The following PHLDB2 variants were observed in gnomAD, a reference collection of about 807,000 sequenced individuals.
The protein encoded by PHLDB2 is pleckstrin homology like domain family B member 2, also known as pleckstrin homology-like domain family B member 2.
A neutral mutation model predicts 123.6 loss-of-function variants in PHLDB2; 71 were observed. The observed-to-expected ratio is 0.57, with a 90% CI of 0.47 to 0.70. The LOEUF is 0.70. PHLDB2 is among the 30% of genes least tolerant of loss of function. PHLDB2 has a pLI of 0.00. For synonymous variants in PHLDB2, 547 were observed against 541.6 expected (o/e 1.01, Z -0.14); for missense variants, 1,446 against 1,519.5 (o/e 0.95, Z 0.80).
At chr3:111,871,765 A>G (rs920859723) in intron 1 of PHLDB2, among the ~76,000 whole-genome samples, 2 of 152,230 alleles carry the variant, frequency 1.3e-5, no homozygotes, top group African/African-American at 4.8e-5. Context: ...TTGTCGATTT[A>G]TAGTTTGAAG....
intron 1 of PHLDB2, among the ~76,000 whole-genome samples, chr3:111,814,619 G>T (rs1041873653): frequency 1.0e-4 from 14 of 138,720 alleles, no homozygotes; most frequent in African/African-American, 3.3e-4. Flanking sequence ...CTGAAATGAA[G>T]TATTTATTTA....
At chr3:111,883,116 C>T (rs548342405) in intron 1 of PHLDB2, among the ~76,000 whole-genome samples, 1 of 152,298 alleles carries the variant, frequency 6.6e-6, no homozygotes, top group African/African-American at 2.4e-5. Context: ...TGCTGATAAT[C>T]TAAGAAAATT....
At chr3:111,906,263 A>G (rs2067526559) in intron 2 of PHLDB2, among the ~76,000 whole-genome samples, 1 of 152,264 alleles carries the variant, frequency 6.6e-6, no homozygotes, top group Non-Finnish European at 1.5e-5. Flanking sequence ...CTTAGAACAT[A>G]TCCCCATTGT....
At chr3:111,921,247 T>G (rs894316318) in intron 5 of PHLDB2, among the ~76,000 whole-genome samples, 11 of 152,184 alleles carry the variant, frequency 7.2e-5, no homozygotes, top group Non-Finnish European at 1.2e-4. Context: ...CCAATAAAAC[T>G]GAAAATAAAA....
chr3:111,777,770 T>C (rs934088108), intron 1 of PHLDB2, among the ~76,000 whole-genome samples: 1 of 152,182 alleles, frequency 6.6e-6, no homozygotes, highest in African/African-American at 2.4e-5. Flanking sequence ...CTGAATTTCA[T>C]CTGATTCCTC....
At position 111,786,076 on chromosome 3, in the gene PHLDB2, A is replaced by C. The variant is rs1379078047; in HGVS notation, c.-49+53373A>C. On this transcript the variant is annotated intron_variant, in intron 1 of 17. Coordinates refer to the PHLDB2 transcript ENST00000393923. ...TACAGTTATCCCTCAGTATCTATGG[A>C]GGATTGGTTCTAGGACCTCTCATGG... Among the ~76,000 whole-genome samples, 6 of 152,258 alleles carry C rather than the reference A, an allele frequency of 3.9e-5. No homozygotes were observed. The East Asian group carries it at 1.2e-3, about 29-fold the overall frequency.
intron 1 of PHLDB2, among the ~76,000 whole-genome samples, chr3:111,736,477 A>T (rs547853537): frequency 1.3e-5 from 2 of 152,316 alleles, no homozygotes; most frequent in South Asian, 4.1e-4. Context: ...CCTGAGACTC[A>T]ATACAGGTGA....
intron 5 of PHLDB2, among the ~76,000 whole-genome samples, chr3:111,925,544 C>G (rs1290257061): frequency 6.6e-6 from 1 of 152,210 alleles, no homozygotes; most frequent in Non-Finnish European, 1.5e-5. Context: ...GGTATATTTA[C>G]TTGGTGAAGC....
intron 1 of PHLDB2, among the ~76,000 whole-genome samples, chr3:111,867,109 A>G (rs1354933141): frequency 6.6e-6 from 1 of 152,132 alleles, no homozygotes; most frequent in Non-Finnish European, 1.5e-5. Flanking sequence ...CTTAAATGTG[A>G]TGGCCTGCTT....
chr3:111,759,357 T>A (rs2059955673), intron 1 of PHLDB2, among the ~76,000 whole-genome samples: 1 of 152,238 alleles, frequency 6.6e-6, no homozygotes, highest in Non-Finnish European at 1.5e-5. Context: ...CTGGGGTTTC[T>A]TTTGTAAGGG....
At chr3:111,748,852 G>C (rs1017819701) in intron 1 of PHLDB2, among the ~76,000 whole-genome samples, 2 of 151,948 alleles carry the variant, frequency 1.3e-5, no homozygotes, top group Admixed American at 6.6e-5. Flanking sequence ...AAATTTAGCA[G>C]TTTGCAAGTC....
intron 2 of PHLDB2, 53 bp from the exon 3 acceptor site, chr3:111,913,266 G>A (rs1344763058): frequency 3.3e-6 from 5 of 1,517,874 alleles, no homozygotes; most frequent in Admixed American, 2.2e-5. Context: ...TTTATTTGGA[G>A]TAGTATTCAT....
chr3:111,848,138 G>A (rs922220028), intron 2 of PHLDB2, among the ~76,000 whole-genome samples: 4 of 152,120 alleles, frequency 2.6e-5, no homozygotes, highest in Admixed American at 2.0e-4. Flanking sequence ...TTGTACTGAG[G>A]ATTGTGGAAG....
chr3:111,758,623 A>G (rs564543295), intron 1 of PHLDB2, among the ~76,000 whole-genome samples: 1 of 152,186 alleles, frequency 6.6e-6, no homozygotes, highest in South Asian at 2.1e-4. Context: ...ACCTGCGCCC[A>G]CTGTCTGGCA....
chr3:111,737,048 G>A (rs1290847385), intron 1 of PHLDB2, among the ~76,000 whole-genome samples: 2 of 152,184 alleles, frequency 1.3e-5, no homozygotes, highest in Non-Finnish European at 2.9e-5. Flanking sequence ...CAAATGGCAT[G>A]GAACCTAAGG....
At chr3:111,803,019 T>A (rs1486403854) in intron 1 of PHLDB2, among the ~76,000 whole-genome samples, 1 of 152,148 alleles carries the variant, frequency 6.6e-6, no homozygotes, top group Non-Finnish European at 1.5e-5. Context: ...ATTTAATGAG[T>A]ATAGGGGATG....
intron 2 of PHLDB2, among the ~76,000 whole-genome samples, chr3:111,897,528 G>A (rs908186188): frequency 6.6e-6 from 1 of 152,212 alleles, no homozygotes; most frequent in Non-Finnish European, 1.5e-5. Context: ...ATGACTGCAG[G>A]TTGAAAATTT....
At chr3:111,830,801 T>A in intron 1 of PHLDB2, among the ~76,000 whole-genome samples, 2 of 59,940 alleles carry the variant, frequency 3.3e-5, no homozygotes, top group Non-Finnish European at 5.6e-5. Flanking sequence ...AGAGCGAGAC[T>A]CCGTCTCAAA....
chr3:111,891,516 A>G (rs191404459), intron 2 of PHLDB2, among the ~76,000 whole-genome samples: 9 of 151,998 alleles, frequency 5.9e-5, no homozygotes, highest in African/African-American at 1.4e-4. Context: ...CAGGAAAACA[A>G]GCTCAGGGCT....
Sources: gnomAD v4.1 joint callset for allele counts (sites outside exome capture counted in the v4.1 genomes callset) on GRCh38, gnomAD v4.1.1 for gene constraint, MANE v1.5 for transcripts, NCBI Gene and HGNC (gene_info 2026-07-23, HGNC 2026-07-21) for gene names.